DMD: variants seen among roughly 807,000 people sequenced by gnomAD.
DMD encodes the protein dystrophin.
Under a neutral mutation model 330.1 loss-of-function variants are expected in DMD, and 63 were observed. That is an observed-to-expected ratio of 0.19 (90% CI 0.16 to 0.24). DMD has a LOEUF of 0.24. Ranked by LOEUF, DMD falls within the 10% of genes least tolerant of loss-of-function variation. DMD has a pLI of 1.00. For missense variants in DMD, 3,344 were observed against 2,684.1 expected (o/e 1.25, Z -5.43); for synonymous variants, 1,223 against 959.8 (o/e 1.27, Z -5.07).
At chrX:31,426,412 C>T (rs183908682) in intron 60 of DMD, among the ~76,000 whole-genome samples, 51 of 112,130 alleles carry the variant, frequency 4.5e-4, no homozygotes, top group African/African-American at 1.6e-3. Context: ...TTCAACTGGC[C>T]GCAGCTCCAG....
At chrX:32,983,568 CACACACAT>C (rs199996241) in intron 2 of DMD, among the ~76,000 whole-genome samples, 4,550 of 80,817 alleles carry the variant, frequency 0.056, 97 homozygotes, top group South Asian at 0.072. Flanking sequence ...CACACACACA[CACACACAT>C]ATAGGAACAC....
chrX:32,729,427 G>T (rs147462092), intron 7 of DMD, among the ~76,000 whole-genome samples: 1 of 111,632 alleles, frequency 9.0e-6, no homozygotes, highest in East Asian at 2.8e-4. Context: ...AACATTTCAT[G>T]TTAATGAATA....
At chrX:31,262,027 G>A (rs1201820174) in intron 62 of DMD, among the ~76,000 whole-genome samples, 2 of 112,307 alleles carry the variant, frequency 1.8e-5, no homozygotes, top group Non-Finnish European at 3.8e-5. Flanking sequence ...AAGTACAGGG[G>A]CCTCACACAG....
At chrX:32,796,808 A>G (rs569299962) in intron 7 of DMD, among the ~76,000 whole-genome samples, 3 of 112,088 alleles carry the variant, frequency 2.7e-5, no homozygotes, top group African/African-American at 9.7e-5. Flanking sequence ...ATAAAATGAC[A>G]AGACAACTAT....
chrX:32,983,853 A>G lies in DMD; in HGVS notation c.93+36286T>C, dbSNP rs978459242. On this transcript the variant is annotated intron_variant, in intron 2 of 78. Transcript: ENST00000357033. Reference sequence around the variant, plus strand: ...GATTTTATTCACTATATAATTGAGAATCATCTTGCTCTGTGTTTACTCAGA... The same window carrying G: ...GATTTTATTCACTATATAATTGAGAGTCATCTTGCTCTGTGTTTACTCAGA... 4.5e-5 allele frequency among the ~76,000 whole-genome samples: 5 copies of G among 111,122 alleles called. No individual in the cohort carries two copies. In the Admixed American group the frequency reaches 4.8e-4, roughly 11 times the overall value.
intron 52 of DMD, among the ~76,000 whole-genome samples, chrX:31,729,152 G>A (rs140951077): frequency 0.034 from 3,820 of 111,859 alleles, 75 homozygotes; most frequent in Non-Finnish European, 0.056. Flanking sequence ...GGTACAGTAC[G>A]ATGATTTTTG....
chrX:31,266,850 C>A, intron 62 of DMD: 1 of 1,204,423 alleles, frequency 8.3e-7, no homozygotes, highest in Non-Finnish European at 1.1e-6. Flanking sequence ...GCTCCGCGGT[C>A]GAGTGTGGGT....
At chrX:32,761,842 G>A (rs369655637) in intron 7 of DMD, among the ~76,000 whole-genome samples, 1 of 111,162 alleles carries the variant, frequency 9.0e-6, no homozygotes, top group South Asian at 3.8e-4. Context: ...TGAACTATCT[G>A]TTCACATACT....
chrX:31,855,942 T>C (rs945143131), intron 48 of DMD, among the ~76,000 whole-genome samples: 2 of 112,136 alleles, frequency 1.8e-5, no homozygotes, highest in Non-Finnish European at 3.8e-5. Context: ...TTATAACTCA[T>C]GATTTCCATA....
intron 55 of DMD, among the ~76,000 whole-genome samples, chrX:31,566,715 C>A (rs780937265): frequency 8.9e-6 from 1 of 111,774 alleles, no homozygotes; most frequent in African/African-American, 3.2e-5. Flanking sequence ...TATGCTGACT[C>A]TTCCAGTCTA....
At chrX:33,152,245 C>T (rs1042414305) in intron 1 of DMD, among the ~76,000 whole-genome samples, 3 of 109,984 alleles carry the variant, frequency 2.7e-5, no homozygotes, top group Non-Finnish European at 3.8e-5. Flanking sequence ...TCTTGGCTCA[C>T]TGCAACCTCT....
chrX:32,315,985 T>A (rs1184194389), intron 41 of DMD, among the ~76,000 whole-genome samples: 4 of 111,621 alleles, frequency 3.6e-5, no homozygotes, highest in African/African-American at 1.3e-4. Context: ...TTTACAAACT[T>A]TTAAATAATG....
intron 1 of DMD, among the ~76,000 whole-genome samples, chrX:33,023,002 C>G (rs753087334): frequency 7.5e-4 from 84 of 111,399 alleles, no homozygotes; most frequent in African/African-American, 2.4e-3. Context: ...GAATAATGAG[C>G]CTTCTTTAAT....
At chrX:32,826,754 A>T (rs917498956) in intron 4 of DMD, among the ~76,000 whole-genome samples, 2 of 111,263 alleles carry the variant, frequency 1.8e-5, no homozygotes, top group African/African-American at 6.5e-5. Flanking sequence ...ATTTAATAGG[A>T]ATAAATTCAA....
At chrX:32,934,121 G>T (rs2089813075) in intron 2 of DMD, among the ~76,000 whole-genome samples, 1 of 111,694 alleles carries the variant, frequency 9.0e-6, no homozygotes, top group Non-Finnish European at 1.9e-5. Flanking sequence ...ATGAATATTG[G>T]TAGTCATCAT....
chrX:31,814,080 A>C (rs1391951410), intron 50 of DMD, among the ~76,000 whole-genome samples: 1 of 110,830 alleles, frequency 9.0e-6, no homozygotes, highest in Non-Finnish European at 1.9e-5. Context: ...GAGATATCAG[A>C]ATTTAGGCTT....
chrX:31,688,966 A>G (rs898629807), intron 52 of DMD, among the ~76,000 whole-genome samples: 9 of 111,854 alleles, frequency 8.0e-5, no homozygotes, highest in Non-Finnish European at 1.3e-4. Context: ...GATGGGACGT[A>G]TCTCAAAATA....
rs766250322 is a variant in DMD at position 32,547,473 on chromosome X, C to A, written c.1993-2139G>T. 1.7e-4 allele frequency among the ~76,000 whole-genome samples: 19 copies of A among 110,783 alleles called. 1 individual carries two copies. Among genetic ancestry groups the A allele is most frequent in the Non-Finnish European group, 3.2e-4 (17 of 52,774 alleles). Reference sequence around the variant, plus strand: ...TTGTTCTATATAATAATCACTACTACACTGTAATTGAAAAATACTACTTCA... The same window carrying A: ...TTGTTCTATATAATAATCACTACTAAACTGTAATTGAAAAATACTACTTCA... On this transcript the variant is annotated intron_variant, in intron 16 of 78. Coordinates refer to ENST00000357033, the MANE Select transcript of DMD (RefSeq NM_004006.3).
intron 44 of DMD, among the ~76,000 whole-genome samples, chrX:32,034,772 C>A: frequency 9.0e-6 from 1 of 111,282 alleles, no homozygotes; most frequent in Non-Finnish European, 1.9e-5. Context: ...AGCGTTACTG[C>A]CCAAAATGTA....
Sources: allele counts gnomAD v4.1 joint callset (sites outside exome capture counted in the v4.1 genomes callset), GRCh38; gene constraint gnomAD v4.1.1; transcripts MANE v1.5; gene names NCBI Gene and HGNC (gene_info 2026-07-23, HGNC 2026-07-21).